ANKS3: variants seen among roughly 807,000 people sequenced by gnomAD.
The protein encoded by ANKS3 is ankyrin repeat and sterile alpha motif domain containing 3, also known as ankyrin repeat and SAM domain-containing protein 3.
A neutral mutation model predicts 80.7 loss-of-function variants in ANKS3; 62 were observed. That is an observed-to-expected ratio of 0.77 (90% confidence interval 0.63 to 0.95). The LOEUF (loss-of-function observed/expected upper bound fraction) is 0.95. Ranked by LOEUF, ANKS3 falls within the 40% of genes least tolerant of loss-of-function variation. ANKS3 has a pLI of 0.00. For synonymous variants in ANKS3, 489 were observed against 355.3 expected, an observed-to-expected ratio of 1.38 and a Z score of -4.23; for missense variants, 1,150 against 883.6, an observed-to-expected ratio of 1.30 and a Z score of -3.82.
intron 5 of ANKS3, among the ~76,000 whole-genome samples, 154 bp downstream of exon 5, chr16:4,726,505 T>G (rs146088278): frequency 1.3e-5 from 2 of 152,252 alleles, no homozygotes; most frequent in African/African-American, 4.8e-5. Flanking sequence ...AAAAGGCCTG[T>G]GCCTGGAAGG....
At chr16:4,700,186 G>A (rs1397251765) in intron 11 of ANKS3, 1 of 152,994 alleles carries the variant, frequency 6.5e-6, no homozygotes, top group African/African-American at 2.4e-5. Flanking sequence ...GGGAGGTCGA[G>A]GCGGGCGGAT....
intron 14 of ANKS3, 32 bp from the exon 15 acceptor site, chr16:4,698,094 G>A: frequency 5.1e-6 from 8 of 1,569,598 alleles, no homozygotes; most frequent in Non-Finnish European, 6.9e-6. Context: ...ATTGGTGAGA[G>A]CAGAGGCCTG....
intron 6 of ANKS3, among the ~76,000 whole-genome samples, chr16:4,715,539 C>A (rs1170289923): frequency 6.6e-6 from 1 of 152,024 alleles, no homozygotes; most frequent in Non-Finnish European, 1.5e-5. Context: ...GACGCTGCAG[C>A]GAGCTGAGAT....
chr16:4,709,558 T>A (rs1465845479), intron 7 of ANKS3, among the ~76,000 whole-genome samples: 1 of 152,162 alleles, frequency 6.6e-6, no homozygotes, highest in East Asian at 1.9e-4. Context: ...AGATAGAGAA[T>A]CAACCTGTGT....
At chr16:4,730,704 T>C (rs1274384595) in intron 2 of ANKS3, among the ~76,000 whole-genome samples, 1 of 151,976 alleles carries the variant, frequency 6.6e-6, no homozygotes, top group Non-Finnish European at 1.5e-5. Flanking sequence ...CTGTCTCTAC[T>C]AAAAATACAA....
Position 4,698,416 on chromosome 16 carries a change from G to T in ANKS3, c.1724+11C>A. 6.7e-7 allele frequency: 1 copy of T among 1,503,674 alleles called. No individual in the cohort carries two copies. The highest frequency in any genetic ancestry group is 1.3e-5 in the South Asian group (1 of 77,608). 93.1% of individuals were successfully genotyped at this position (1,503,674 alleles called of 1,614,324 possible). A position where few individuals can be genotyped will look rare whatever the true frequency, so the allele number is the denominator to read the frequency against. ...TGGAGACCCAGCCCAGGGCAGCTCA[G>T]AGCCACTCACCGCAGCTGGTCCAGG... On this transcript the variant is annotated intron_variant, in intron 14 of 17. Transcript: ENST00000304283.
chr16:4,720,161 CAAAA>C (rs34135519), intron 6 of ANKS3, among the ~76,000 whole-genome samples: 2 of 61,060 alleles, frequency 3.3e-5, no homozygotes, highest in South Asian at 6.0e-4. Context: ...GACCCCACCC[CAAAA>C]AAAAAAAAAA....
intron 11 of ANKS3, chr16:4,700,625 T>C (rs2079846368): frequency 5.0e-6 from 2 of 400,996 alleles, no homozygotes; most frequent in Non-Finnish European, 9.6e-6. Context: ...AAGCACACAC[T>C]GTGTGTAGTT....
In ANKS3 at chr16:4,696,657, C is replaced by A; in HGVS notation, c.*251G>T. On this transcript the variant is annotated 3_prime_UTR_variant, in exon 18 of 18. Coordinates refer to ENST00000304283, the MANE Select transcript of ANKS3 (RefSeq NM_133450.4). ...CCCTGCCTGGTATGGGCCAGGGCAG[C>A]CCATGAACTCTGGGCCTCACCACGA... 3.0e-6 allele frequency: 1 copy of A among 330,900 alleles called. No individual in the cohort carries two copies. Among genetic ancestry groups the A allele is most frequent in the African/African-American group, 2.1e-5 (1 of 46,896 alleles). The allele number at this position is 330,900 out of a possible 1,614,324, so 20.5% of individuals were successfully genotyped here.
At chr16:4,708,569 A>C (rs2080322428) in intron 7 of ANKS3, among the ~76,000 whole-genome samples, 1 of 152,214 alleles carries the variant, frequency 6.6e-6, no homozygotes, top group African/African-American at 2.4e-5. Context: ...AGGTCTCATT[A>C]ATAAATCAAA....
intron 7 of ANKS3, among the ~76,000 whole-genome samples, chr16:4,711,718 C>CAA (rs34030042): frequency 2.1e-4 from 12 of 56,738 alleles, no homozygotes; most frequent in East Asian, 1.1e-3. Context: ...AACTCTGTCT[C>CAA]AAAAAAAAAA....
In ANKS3 at chr16:4,697,423, T is replaced by G. The variant is rs1019506018; in HGVS notation, c.1811-7A>C. The G allele has an allele frequency of 1.3e-6, 2 of 1,593,842 alleles. No homozygotes were observed. The highest frequency in any genetic ancestry group is 1.3e-5 in the African/African-American group (1 of 74,188). Reference sequence around the variant, plus strand: ...GCTTGCCAGCCCTTGGAGTCTGTGGTGCAGGTGCAGGGACCGAGTTAGCTG... The same window carrying G: ...GCTTGCCAGCCCTTGGAGTCTGTGGGGCAGGTGCAGGGACCGAGTTAGCTG... On this transcript the variant is annotated splice_region_variant and splice_polypyrimidine_tract_variant and intron_variant, in intron 15 of 17. Coordinates refer to ENST00000304283, the MANE Select transcript of ANKS3 (RefSeq NM_133450.4).
At chr16:4,724,917 G>C (rs192376335) in intron 5 of ANKS3, 86 bp from the exon 6 acceptor site, 71 of 1,179,598 alleles carry the variant, frequency 6.0e-5, no homozygotes, top group Non-Finnish European at 7.8e-5. Flanking sequence ...ACCCTGAGCA[G>C]TGCACGAGTC....
In ANKS3 at chr16:4,697,984, G is replaced by A. The variant is rs2079668871; in HGVS notation, c.1803C>T (p.Pro601=). The change falls in exon 15 of 18, where the codon CCC becomes CCT. Residue 601 remains proline, a synonymous_variant. Transcript: ENST00000304283. ...PGAATLGLAV[P]PADSKGWQAS... ...TCAGGCCACTGCTCTTACCAGCTGG[G>A]GGGACGGCTAGGCCCAGAGTGGCTG... is the stretch of plus-strand genomic sequence containing the variant. 3 of 1,594,054 alleles carry A rather than the reference G, an allele frequency of 1.9e-6. No individual in the cohort carries two copies. The highest frequency in any genetic ancestry group is 2.6e-6 in the Non-Finnish European group (3 of 1,171,340).
intron 7 of ANKS3, among the ~76,000 whole-genome samples, chr16:4,711,580 T>C (rs895678103): frequency 1.3e-5 from 2 of 151,512 alleles, no homozygotes; most frequent in Middle Eastern, 3.4e-3. Context: ...TATCCAGGCA[T>C]GGTAGCGCAT....
intron 6 of ANKS3, 54 bp from the exon 7 acceptor site, chr16:4,714,240 T>G (rs1445868492): frequency 6.3e-7 from 1 of 1,599,552 alleles, no homozygotes; most frequent in East Asian, 2.2e-5. Context: ...GCACCTGCCC[T>G]TCCTGGGCTG....
chr16:4,705,889 A>C (rs1291930735), intron 7 of ANKS3, among the ~76,000 whole-genome samples: 3 of 151,956 alleles, frequency 2.0e-5, no homozygotes, highest in Non-Finnish European at 4.4e-5. Context: ...AATATAAGTC[A>C]CAACTACTTT....
chr16:4,727,272 G>C lies in ANKS3; in HGVS notation c.171-95C>G, dbSNP rs2081403476. The C allele has an allele frequency of 2.3e-6, 3 of 1,312,140 alleles. No individual in the cohort carries two copies. The South Asian group carries it at 3.8e-5, about 17-fold the overall frequency. The allele number at this position is 1,312,140 out of a possible 1,614,324, so 81.3% of individuals were successfully genotyped here. A position where few individuals can be genotyped will look rare whatever the true frequency, so the allele number is the denominator to read the frequency against. On this transcript the variant is annotated intron_variant, in intron 3 of 17. Coordinates refer to ENST00000304283, the MANE Select transcript of ANKS3 (RefSeq NM_133450.4). ...GAGGCTAGGCCAGGCGGGATGAGTT[G>C]ACAGGAAGCAGAAGTTATCTGCCAC...
chr16:4,714,687 T>G (rs2080688254), intron 6 of ANKS3, among the ~76,000 whole-genome samples: 1 of 152,202 alleles, frequency 6.6e-6, no homozygotes, highest in Non-Finnish European at 1.5e-5. Context: ...AGAAAAGGCT[T>G]TAGTGCACAA....
Sources: gnomAD v4.1 joint callset for allele counts (sites outside exome capture counted in the v4.1 genomes callset) on GRCh38, gnomAD v4.1.1 for gene constraint, MANE v1.5 for transcripts, NCBI Gene and HGNC (gene_info 2026-07-23, HGNC 2026-07-21) for gene names.